Variants in EXOC4 observed in about 807,000 individuals in gnomAD.
EXOC4 encodes the protein SEC8-like 1.
Under a neutral mutation model 107.2 loss-of-function variants are expected in EXOC4, and 71 were observed. The ratio of observed to expected loss-of-function variants is 0.66; its 90% CI spans 0.55 to 0.81. The LOEUF is 0.81. EXOC4 is among the 30% of genes least tolerant of loss of function. EXOC4 has a pLI of 0.00. For synonymous variants in EXOC4, 456 were observed against 441.2 expected (o/e 1.03, Z -0.42); for missense variants, 1,108 against 1,189.6 (o/e 0.93, Z 1.01).
intron 10 of EXOC4, among the ~76,000 whole-genome samples, chr7:133,738,820 C>T (rs923078648): frequency 6.6e-6 from 1 of 152,154 alleles, no homozygotes; most frequent in African/African-American, 2.4e-5. Context: ...CTATCAACTC[C>T]AAGTTGTGTT....
At chr7:133,465,473 T>G (rs913452711) in intron 7 of EXOC4, among the ~76,000 whole-genome samples, 1 of 152,132 alleles carries the variant, frequency 6.6e-6, no homozygotes, top group African/African-American at 2.4e-5. Context: ...ATGAATACCC[T>G]TTTTTGATAA....
chr7:133,910,271 A>AT (rs762075118), intron 12 of EXOC4, among the ~76,000 whole-genome samples: 3 of 152,064 alleles, frequency 2.0e-5, no homozygotes, highest in African/African-American at 7.2e-5. Context: ...TTACAGTATA[A>AT]TTTTTTTCTT....
intron 17 of EXOC4, among the ~76,000 whole-genome samples, chr7:134,042,241 G>A (rs975861766): frequency 6.6e-6 from 1 of 152,170 alleles, no homozygotes; most frequent in African/African-American, 2.4e-5. Flanking sequence ...CCTTGTATCT[G>A]CATCTCTGCT....
chr7:133,663,840 T>C (rs915399611), intron 10 of EXOC4, among the ~76,000 whole-genome samples: 3 of 152,194 alleles, frequency 2.0e-5, no homozygotes, highest in African/African-American at 7.2e-5. Flanking sequence ...GCTTTTAAAA[T>C]GTAAGTCACA....
Position 133,894,807 on chromosome 7 carries a change from C to T in EXOC4, c.1735-792C>T, listed in dbSNP as rs1442739109. 3.6e-5 allele frequency among the ~76,000 whole-genome samples: 3 copies of T among 84,092 alleles called. 1 individual carries two copies. The highest frequency in any genetic ancestry group is 2.7e-4 in the African/African-American group (2 of 7,386). 55.2% of individuals were successfully genotyped at this position (84,092 alleles called of 152,430 possible). Reference sequence around the variant, plus strand: ...CCGTTCTCAGATCTCCAGCTGCGTGCTGGGAGAACCACTGCTCTCTTCAAA... The same window carrying T: ...CCGTTCTCAGATCTCCAGCTGCGTGTTGGGAGAACCACTGCTCTCTTCAAA... On this transcript the variant is annotated intron_variant, in intron 11 of 17. Coordinates refer to ENST00000253861, the MANE Select transcript of EXOC4 (RefSeq NM_021807.4).
At chr7:133,274,945 G>A (rs1793953870) in intron 1 of EXOC4, 37 bp from the exon 2 acceptor site, 2 of 1,450,982 alleles carry the variant, frequency 1.4e-6, no homozygotes, top group South Asian at 1.6e-5. Flanking sequence ...TTACTTTCAA[G>A]TTTTACTTAG....
intron 10 of EXOC4, among the ~76,000 whole-genome samples, chr7:133,745,806 G>C (rs80098820): frequency 6.7e-6 from 1 of 148,518 alleles, no homozygotes; most frequent in Admixed American, 6.8e-5. Context: ...TCTCCTTCTA[G>C]CATGTATGTT....
intron 11 of EXOC4, among the ~76,000 whole-genome samples, chr7:133,846,259 C>T (rs1396259957): frequency 6.6e-6 from 1 of 152,172 alleles, no homozygotes; most frequent in African/African-American, 2.4e-5. Context: ...TCTTTTAAGT[C>T]TTTAGTTCAA....
intron 10 of EXOC4, among the ~76,000 whole-genome samples, chr7:133,739,545 T>A (rs781030205): frequency 3.2e-4 from 48 of 152,128 alleles, no homozygotes; most frequent in Admixed American, 5.2e-4. Context: ...GGCTTACACA[T>A]CAGTGAAGCA....
At chr7:133,556,841 A>C (rs960761858) in intron 9 of EXOC4, among the ~76,000 whole-genome samples, 3 of 152,156 alleles carry the variant, frequency 2.0e-5, no homozygotes, top group Non-Finnish European at 4.4e-5. Context: ...ACTTAGATGT[A>C]GGTATGAAAA....
chr7:133,415,747 A>G (rs1797460478), intron 7 of EXOC4, among the ~76,000 whole-genome samples: 1 of 152,196 alleles, frequency 6.6e-6, no homozygotes, highest in African/African-American at 2.4e-5. Flanking sequence ...TTGTGGTGCT[A>G]TATACATAGC....
At chr7:133,679,034 A>T (rs1308977409) in intron 10 of EXOC4, among the ~76,000 whole-genome samples, 1 of 152,018 alleles carries the variant, frequency 6.6e-6, no homozygotes, top group Admixed American at 6.6e-5. Flanking sequence ...ATTGAAACCG[A>T]TGTCATAACT....
intron 7 of EXOC4, among the ~76,000 whole-genome samples, chr7:133,410,307 G>A (rs901948058): frequency 3.3e-5 from 5 of 152,130 alleles, no homozygotes; most frequent in Non-Finnish European, 4.4e-5. Context: ...AGGGAAAAAA[G>A]CATTACATTA....
At chr7:133,445,564 TAAAAC>T (rs1563068783) in intron 7 of EXOC4, among the ~76,000 whole-genome samples, 1 of 152,082 alleles carries the variant, frequency 6.6e-6, no homozygotes, top group Non-Finnish European at 1.5e-5. Context: ...CAAAATAAAA[TAAAAC>T]AAAAAGCCCA....
intron 11 of EXOC4, among the ~76,000 whole-genome samples, chr7:133,856,168 T>C (rs1313457988): frequency 6.6e-6 from 1 of 152,252 alleles, no homozygotes; most frequent in Non-Finnish European, 1.5e-5. Context: ...CTATGTGGCC[T>C]TTCACAGGAA....
At chr7:134,093,621 C>T in the EXOC4 span, among the ~76,000 whole-genome samples, 1 of 152,174 alleles carries the variant, frequency 6.6e-6, no homozygotes, top group East Asian at 1.9e-4. Context: ...ACAGAATATA[C>T]ATTTTTCTCA....
At chr7:133,505,573 CTT>C (rs1799650999) in intron 9 of EXOC4, among the ~76,000 whole-genome samples, 1 of 152,052 alleles carries the variant, frequency 6.6e-6, no homozygotes, top group South Asian at 2.1e-4. Flanking sequence ...AAGAACTTCT[CTT>C]TGTATATTAT....
At chr7:134,061,221 C>G (rs1796048715) in intron 17 of EXOC4, among the ~76,000 whole-genome samples, 1 of 152,202 alleles carries the variant, frequency 6.6e-6, no homozygotes, top group South Asian at 2.1e-4. Context: ...CCAATTTCAT[C>G]TGGCATGATG....
At chr7:133,512,870 C>T (rs929366398) in intron 9 of EXOC4, among the ~76,000 whole-genome samples, 1 of 152,160 alleles carries the variant, frequency 6.6e-6, no homozygotes, top group Non-Finnish European at 1.5e-5. Flanking sequence ...CGGTGGCTCA[C>T]GCCTGCGGGC....
Sources: gnomAD v4.1 joint callset for allele counts (sites outside exome capture counted in the v4.1 genomes callset) on GRCh38, gnomAD v4.1.1 for gene constraint, MANE v1.5 for transcripts, NCBI Gene and HGNC (gene_info 2026-07-23, HGNC 2026-07-21) for gene names.